ZNF264: variants seen among roughly 807,000 people sequenced by gnomAD.
ZNF264 encodes the protein zinc finger protein 264.
Under a neutral mutation model 11.2 loss-of-function variants are expected in ZNF264, and 11 were observed. That is an observed-to-expected ratio of 0.98 (90% confidence interval 0.62 to 1.63). The LOEUF is 1.63. Ranked by LOEUF, ZNF264 falls within the 40% of genes most tolerant of loss-of-function variation. The pLI is 0.00. For synonymous variants in ZNF264, 309 were observed against 279.8 expected (o/e 1.10, Z -1.04); for missense variants, 752 against 768.1 (o/e 0.98, Z 0.25).
intron 1 of ZNF264, chr19:57,192,562 C>T (rs1369885066): frequency 1.0e-6 from 1 of 985,284 alleles, no homozygotes; most frequent in Non-Finnish European, 1.2e-6. Flanking sequence ...GGAAAGAGGC[C>T]GATGGTTGGT....
chr19:57,211,645 G>A lies in ZNF264; in HGVS notation c.548G>A (p.Arg183His), dbSNP rs917340. The change falls in exon 4 of 4, where the codon CGT becomes CAT. Residue 183 changes from arginine (R) to histidine (H), a missense_variant. Physicochemically the swap from Arg to His is conservative, Grantham distance 29. Coordinates refer to ENST00000263095, the MANE Select transcript of ZNF264 (RefSeq NM_003417.5). ...CAAGTCTCTCCAGGAGATAGAGTCC[G>A]TAGCCATAACTCATGTGAGTCAGGT... Reference protein sequence around the residue: ...QEQVSPGDRVRSHNSCESGKD... With the variant: ...QEQVSPGDRVHSHNSCESGKD... The A allele has an allele frequency of 0.61, 978,079 of 1,612,626 alleles. 300,950 individuals are homozygous for A. Among genetic ancestry groups the A allele is most frequent in the African/African-American group, 0.82 (61,138 of 74,768 alleles).
chr19:57,211,818 A>G lies in ZNF264; in HGVS notation c.721A>G (p.Ile241Val). The stretch of plus-strand genomic sequence containing the variant: ...ATGCACAGAATGTGGGAAAACCTTT[A>G]TTAAGAGCACACATCTCCTGCAACA... ...YECTECGKTF[I>V]KSTHLLQHHM... Residue 241 changes from isoleucine to valine, a missense_variant, in exon 4 of 4, where the codon ATT (isoleucine) becomes GTT (valine). Coordinates refer to ENST00000263095, the MANE Select transcript of ZNF264 (RefSeq NM_003417.5). The G allele has an allele frequency of 6.2e-7, 1 of 1,614,218 alleles. No individual in the cohort carries two copies. Among genetic ancestry groups the G allele is most frequent in the Non-Finnish European group, 8.5e-7 (1 of 1,180,030 alleles).
rs2087407923 is a variant in ZNF264, at chr19:57,220,235, ATGCTATAATC to A, written c.*7257_*7266del. On this transcript the variant is annotated 3_prime_UTR_variant, in exon 4 of 4. Transcript: ENST00000263095. ...TATTTTTACTAAAGTTGATTCAACA[ATGCTATAATC>A]TGTTACTCTCATTCGACAATACATC... is the stretch of plus-strand genomic sequence containing the variant. 6.6e-6 allele frequency: 1 copy of A among 152,196 alleles called. No homozygotes were observed. 9.4% of individuals were successfully genotyped at this position (152,196 alleles called of 1,614,324 possible).
In ZNF264 at chr19:57,219,515, C is replaced by G. The variant is rs1599959283; in HGVS notation, c.*6534C>G. 1 of 152,432 alleles carries G rather than the reference C, an allele frequency of 6.6e-6. No homozygotes were observed. The highest frequency in any genetic ancestry group is 1.9e-4 in the East Asian group (1 of 5,190). 9.4% of individuals were successfully genotyped at this position (152,432 alleles called of 1,614,324 possible). A position where few individuals can be genotyped will look rare whatever the true frequency, so the allele number is the denominator to read the frequency against. On this transcript the variant is annotated 3_prime_UTR_variant, in exon 4 of 4. Coordinates refer to ENST00000263095, the MANE Select transcript of ZNF264 (RefSeq NM_003417.5). ...CTTCTCATTTCCCTCACTCCACGGA[C>G]AGCTACAGGAGGGCTTCCATCATTT...
chr19:57,194,141 G>A, intron 2 of ZNF264, 140 bp downstream of exon 2: 1 of 1,235,342 alleles, frequency 8.1e-7, no homozygotes, highest in Non-Finnish European at 1.1e-6. Flanking sequence ...ATTTTCCACA[G>A]TAACCTCTTC....
At chr19:57,206,190 G>A (rs551275217) in intron 3 of ZNF264, among the ~76,000 whole-genome samples, 4 of 152,306 alleles carry the variant, frequency 2.6e-5, no homozygotes, top group African/African-American at 7.2e-5. Flanking sequence ...AGAAGGTTTG[G>A]TGAGCACCTA....
At chr19:57,194,596 A>C (rs560374835) in intron 2 of ZNF264, among the ~76,000 whole-genome samples, 19 of 152,354 alleles carry the variant, frequency 1.2e-4, no homozygotes, top group Admixed American at 2.6e-4. Flanking sequence ...GGAAGCATCC[A>C]GCATGGGAGA....
rs1266790889 is a variant in ZNF264, at chr19:57,222,485, A to G, written c.*9504A>G. 6.6e-6 allele frequency: 1 copy of G among 150,380 alleles called. No homozygotes were observed. The highest frequency in any genetic ancestry group is 2.5e-5 in the African/African-American group (1 of 40,508). 9.3% of individuals were successfully genotyped at this position (150,380 alleles called of 1,614,324 possible). A position where few individuals can be genotyped will look rare whatever the true frequency, so the allele number is the denominator to read the frequency against. On this transcript the variant is annotated 3_prime_UTR_variant, in exon 4 of 4. Transcript: ENST00000263095. ...AGGTACAGAGAGAGTCTTTCAAGAA[A>G]GGACCTAGTCTGCTCGCGTTCTCTC... is the stretch of plus-strand genomic sequence containing the variant.
intron 1 of ZNF264, chr19:57,192,259 A>G: frequency 1.2e-6 from 1 of 840,262 alleles, no homozygotes; most frequent in Non-Finnish European, 1.4e-6. Flanking sequence ...AGGGGAGGGC[A>G]GGGCAGTAGC....
rs758638960 is a variant in ZNF264 at position 57,212,963 on chromosome 19, A to G, written c.1866A>G (p.Pro622=). ...ASDQPYQRET[P]QVSSL is the part of the protein sequence containing the mutation. Reference sequence around the variant, plus strand: ...ATCAACCATACCAAAGAGAAACCCCACAAGTGTCTTCACTGTGAGAAAACC... The same window carrying G: ...ATCAACCATACCAAAGAGAAACCCCGCAAGTGTCTTCACTGTGAGAAAACC... The change falls in exon 4 of 4, where the codon CCA becomes CCG. Residue 622 remains proline (P), a synonymous_variant. Transcript: ENST00000263095. 2.0e-5 allele frequency: 32 copies of G among 1,609,056 alleles called. No individual in the cohort carries two copies. The South Asian group carries it at 2.6e-4, about 13-fold the overall frequency.
intron 2 of ZNF264, among the ~76,000 whole-genome samples, chr19:57,195,269 T>C (rs2087204002): frequency 1.3e-5 from 2 of 152,350 alleles, no homozygotes; most frequent in Middle Eastern, 3.4e-3. Context: ...AATGCTGATA[T>C]GAAGTCAGTA....
chr19:57,191,708 C>T lies in ZNF264; in HGVS notation c.-206C>T. The T allele has an allele frequency of 2.4e-6, 1 of 409,696 alleles. No individual in the cohort carries two copies. Among genetic ancestry groups the T allele is most frequent in the Non-Finnish European group, 4.3e-6 (1 of 233,276 alleles). The allele number at this position is 409,696 out of a possible 1,614,324, so 25.4% of individuals were successfully genotyped here. On this transcript the variant is annotated 5_prime_UTR_variant, in exon 1 of 4. Coordinates refer to ENST00000263095, the MANE Select transcript of ZNF264 (RefSeq NM_003417.5). ...CTCCCCCGCCCTTCAGCCCCGCGGT[C>T]TCCAGGGGCGGCGCCCTGGGTCTGG...
intron 2 of ZNF264, among the ~76,000 whole-genome samples, chr19:57,201,750 C>A (rs749159043): frequency 1.7e-4 from 26 of 152,008 alleles, no homozygotes; most frequent in Non-Finnish European, 3.1e-4. Flanking sequence ...GCACTTTAGG[C>A]CAGAAACCCA....
At chr19:57,201,678 C>G (rs1247139460) in intron 2 of ZNF264, among the ~76,000 whole-genome samples, 1 of 151,910 alleles carries the variant, frequency 6.6e-6, no homozygotes, top group African/African-American at 2.4e-5. Context: ...CCTTGCGTAT[C>G]TAGACTGTGG....
intron 3 of ZNF264, among the ~76,000 whole-genome samples, chr19:57,207,314 A>C (rs1314819712): frequency 6.6e-6 from 1 of 152,146 alleles, no homozygotes; most frequent in Non-Finnish European, 1.5e-5. Flanking sequence ...GCAGGCTTTC[A>C]GGTTGAAAAG....
At position 57,220,087 on chromosome 19, in the gene ZNF264, G is replaced by T. The variant is rs1737920333; in HGVS notation, c.*7106G>T. 1 of 152,210 alleles carries T rather than the reference G, an allele frequency of 6.6e-6. No homozygotes were observed. Among genetic ancestry groups the T allele is most frequent in the Admixed American group, 6.5e-5 (1 of 15,286 alleles). 9.4% of individuals were successfully genotyped at this position (152,210 alleles called of 1,614,324 possible). On this transcript the variant is annotated 3_prime_UTR_variant, in exon 4 of 4. Coordinates refer to ENST00000263095, the MANE Select transcript of ZNF264 (RefSeq NM_003417.5). ...ATAGATAGGCTCAGGTTAAGAATTT[G>T]CCCAAGGTTACACAGTTATGAAGTT...
In ZNF264 at chr19:57,218,328, A is replaced by G. The variant is rs965007313; in HGVS notation, c.*5347A>G. Reference sequence around the variant, plus strand: ...TATTGTTTAATATAAGAAACCTACTAGCATTCAAATAATCATTCCCTATTT... The same window carrying G: ...TATTGTTTAATATAAGAAACCTACTGGCATTCAAATAATCATTCCCTATTT... On this transcript the variant is annotated 3_prime_UTR_variant, in exon 4 of 4. Transcript: ENST00000263095. 1 of 152,184 alleles carries G rather than the reference A, an allele frequency of 6.6e-6. No homozygotes were observed. The highest frequency in any genetic ancestry group is 6.5e-5 in the Admixed American group (1 of 15,276). The allele number at this position is 152,184 out of a possible 1,614,324, so 9.4% of individuals were successfully genotyped here. A position where few individuals can be genotyped will look rare whatever the true frequency, so the allele number is the denominator to read the frequency against.
At chr19:57,198,793 T>G in intron 2 of ZNF264, among the ~76,000 whole-genome samples, 1 of 151,836 alleles carries the variant, frequency 6.6e-6, no homozygotes, top group Non-Finnish European at 1.5e-5. Flanking sequence ...AAGCCAGAGG[T>G]CTCCTTAGGG....
In ZNF264 at chr19:57,208,192, T is replaced by C. The variant is rs2087308255; in HGVS notation, c.256+2700T>C. On this transcript the variant is annotated intron_variant, in intron 3 of 3. Coordinates refer to ENST00000263095, the MANE Select transcript of ZNF264 (RefSeq NM_003417.5). The stretch of plus-strand genomic sequence containing the variant: ...CAATTGAAGAAAATAAAACAAATGC[T>C]TGTGGCTCATGATATATTTATATAT... Among the ~76,000 whole-genome samples the C allele has an allele frequency of 3.3e-5, 5 of 152,324 alleles. No individual in the cohort carries two copies. The South Asian group carries it at 6.2e-4, about 19-fold the overall frequency.
Sources: gnomAD v4.1 joint callset for allele counts (sites outside exome capture counted in the v4.1 genomes callset) on GRCh38, gnomAD v4.1.1 for gene constraint, MANE v1.5 for transcripts, NCBI Gene and HGNC (gene_info 2026-07-23, HGNC 2026-07-21) for gene names.